The following THOC2 variants were observed in gnomAD, a reference collection of about 807,000 sequenced individuals.
The protein encoded by THOC2 is THO complex subunit 2.
THOC2 carries 10 observed loss-of-function variants against 128.4 expected under a neutral mutation model. The ratio of observed to expected loss-of-function variants is 0.08; its 90% CI spans 0.05 to 0.13. The LOEUF is 0.13. Among genes scored for constraint, THOC2 ranks in the 10% least tolerant of loss-of-function variants. The pLI, the probability that THOC2 is intolerant of heterozygous loss-of-function variation, is 1.00. For synonymous variants in THOC2, 393 were observed against 396.9 expected (o/e 0.99, Z 0.12); for missense variants, 535 against 1,155.7 (o/e 0.46, Z 7.79).
At chrX:123,694,108 G>A (rs1471541102) in intron 7 of THOC2, among the ~76,000 whole-genome samples, 1 of 109,643 alleles carries the variant, frequency 9.1e-6, no homozygotes, top group Non-Finnish European at 1.9e-5. Context: ...GAATAAAAAG[G>A]TATAAACTCA....
Position 123,611,520 on chromosome X carries a change from T to G in THOC2, c.4678-4A>C. 8.9e-7 allele frequency: 1 copy of G among 1,117,651 alleles called. No individual in the cohort carries two copies. Among genetic ancestry groups the G allele is most frequent in the Non-Finnish European group, 1.2e-6 (1 of 813,577 alleles). The allele number at this position is 1,117,651 out of a possible 1,213,427, so 92.1% of individuals were successfully genotyped here. A position where few individuals can be genotyped will look rare whatever the true frequency, so the allele number is the denominator to read the frequency against. ...TTTCTTTATCATGCCTGGACTCCTA[T>G]AAGAAATAGTAGAATTAGCTGGGGA... is the stretch of plus-strand genomic sequence containing the variant. On this transcript the variant is annotated splice_polypyrimidine_tract_variant and splice_region_variant and intron_variant, in intron 36 of 38. Transcript: ENST00000245838.
chrX:123,656,348 A>C (rs1484740782), intron 12 of THOC2, among the ~76,000 whole-genome samples: 2 of 104,660 alleles, frequency 1.9e-5, no homozygotes, highest in African/African-American at 7.0e-5. Context: ...AAAAAAAAAA[A>C]AAAAAGAGAG....
chrX:123,650,445 T>A (rs193203728), intron 12 of THOC2, among the ~76,000 whole-genome samples: 2 of 111,848 alleles, frequency 1.8e-5, no homozygotes, highest in African/African-American at 6.5e-5. Flanking sequence ...AGGATCAAAT[T>A]CACATATAAC....
At chrX:123,698,395 T>A (rs1482756762) in intron 4 of THOC2, among the ~76,000 whole-genome samples, 1 of 106,392 alleles carries the variant, frequency 9.4e-6, no homozygotes, top group African/African-American at 3.5e-5. Flanking sequence ...GAGGCGGAGC[T>A]TGCAGTGAGC....
intron 8 of THOC2, among the ~76,000 whole-genome samples, chrX:123,675,947 A>G (rs2049472469): frequency 8.9e-6 from 1 of 112,249 alleles, no homozygotes; most frequent in Non-Finnish European, 1.9e-5. Flanking sequence ...AAGTTTGGCC[A>G]GACCATTCAC....
intron 6 of THOC2, 22 bp downstream of exon 6, chrX:123,696,699 A>G (rs1357451631): frequency 1.3e-5 from 15 of 1,185,485 alleles, no homozygotes; most frequent in Non-Finnish European, 1.1e-5. Flanking sequence ...CTTGATCTGC[A>G]ACATAAGATA....
At chrX:123,691,883 G>GTTT (rs1177711271) in intron 7 of THOC2, among the ~76,000 whole-genome samples, 22 of 112,324 alleles carry the variant, frequency 2.0e-4, no homozygotes, top group African/African-American at 7.1e-4. Flanking sequence ...TTAGCGGTCT[G>GTTT]TTTTTGTAAA....
chrX:123,707,022 C>T (rs1016444816), intron 2 of THOC2, 73 bp from the exon 3 acceptor site: 4 of 419,381 alleles, frequency 9.5e-6, no homozygotes, highest in Non-Finnish European at 1.5e-5. Context: ...ATATTTCCTA[C>T]GTCTCAGAAT....
intron 38 of THOC2, chrX:123,602,642 G>T: frequency 9.0e-6 from 1 of 111,596 alleles, no homozygotes; most frequent in East Asian, 2.8e-4. Flanking sequence ...AAATGCTCTG[G>T]AATTAGACAG....
chrX:123,647,550 C>T (rs759829294), intron 12 of THOC2, among the ~76,000 whole-genome samples: 1 of 111,106 alleles, frequency 9.0e-6, no homozygotes, highest in East Asian at 2.8e-4. Flanking sequence ...AAAAACTGTA[C>T]TTGGGCCAGG....
At chrX:123,643,078 C>T (rs1327564876) in intron 15 of THOC2, among the ~76,000 whole-genome samples, 2 of 111,287 alleles carry the variant, frequency 1.8e-5, no homozygotes, top group African/African-American at 6.5e-5. Context: ...CACTGGAGCT[C>T]ACTCTCCAAG....
At chrX:123,649,191 T>G (rs750961340) in intron 12 of THOC2, among the ~76,000 whole-genome samples, 2 of 112,101 alleles carry the variant, frequency 1.8e-5, no homozygotes, top group South Asian at 3.7e-4. Flanking sequence ...GGAGTGGACC[T>G]CCAGCAAACT....
chrX:123,710,825 ACTAAAAATAC>A, intron 2 of THOC2, among the ~76,000 whole-genome samples: 1 of 107,346 alleles, frequency 9.3e-6, no homozygotes, highest in Non-Finnish European at 1.9e-5. Flanking sequence ...CCCCGTCTCT[ACTAAAAATAC>A]AAAAGTTCGC....
At chrX:123,694,888 G>A (rs2050389801) in intron 7 of THOC2, among the ~76,000 whole-genome samples, 1 of 112,361 alleles carries the variant, frequency 8.9e-6, no homozygotes, top group African/African-American at 3.2e-5. Flanking sequence ...AGTACTTTGG[G>A]AGGCCAAGGC....
chrX:123,671,119 C>T (rs2049261735), intron 9 of THOC2, among the ~76,000 whole-genome samples: 1 of 111,718 alleles, frequency 9.0e-6, no homozygotes, highest in South Asian at 3.7e-4. Flanking sequence ...AACTCTTCTA[C>T]ATCCTGGGTC....
At chrX:123,620,851 G>A in intron 32 of THOC2, 56 bp downstream of exon 32, 1 of 1,114,320 alleles carries the variant, frequency 9.0e-7, no homozygotes, top group Non-Finnish European at 1.2e-6. Context: ...TCAGGACACT[G>A]GTATTCCAAA....
chrX:123,610,022 CT>C (rs1335435186), intron 38 of THOC2, among the ~76,000 whole-genome samples: 1 of 109,462 alleles, frequency 9.1e-6, no homozygotes, highest in African/African-American at 3.4e-5. Flanking sequence ...GAGTGAGACT[CT>C]GTCTCAAAAA....
intron 25 of THOC2, 54 bp from the exon 26 acceptor site, chrX:123,624,723 A>T: frequency 9.1e-7 from 1 of 1,100,464 alleles, no homozygotes; most frequent in East Asian, 3.0e-5. Context: ...AAAATCAGTT[A>T]AAAATATTAG....
chrX:123,706,893 G>A lies in THOC2; in HGVS notation c.187C>T (p.His63Tyr). Reference sequence around the variant, plus strand: ...CTAAGAACATTAGATGCCTGTTCATGCTTTAGATTTCCTTTAATTACATGA... The same window carrying A: ...CTAAGAACATTAGATGCCTGTTCATACTTTAGATTTCCTTTAATTACATGA... ...SYHVIKGNLKHEQASNVLSDI... is the reference protein window; with the variant it reads ...SYHVIKGNLKYEQASNVLSDI... The change falls in exon 3 of 39, where the codon CAT becomes TAT. Residue 63 changes from histidine (H) to tyrosine (Y), a missense_variant. Physicochemically the swap from His to Tyr is moderately conservative, Grantham distance 83. Coordinates refer to ENST00000245838, the MANE Select transcript of THOC2 (RefSeq NM_001081550.2). 8.6e-7 allele frequency: 1 copy of A among 1,164,551 alleles called. No individual in the cohort carries two copies. The highest frequency in any genetic ancestry group is 1.2e-6 in the Non-Finnish European group (1 of 867,802).
Sources: gnomAD v4.1 joint callset for allele counts (sites outside exome capture counted in the v4.1 genomes callset) on GRCh38, gnomAD v4.1.1 for gene constraint, MANE v1.5 for transcripts, NCBI Gene and HGNC (gene_info 2026-07-23, HGNC 2026-07-21) for gene names.